The following SYCP1 variants were observed in gnomAD, a reference collection of about 807,000 sequenced individuals.
SYCP1 encodes the protein cancer/testis antigen 8.
SYCP1 carries 64 observed loss-of-function variants against 153.1 expected under a neutral mutation model. That is an observed-to-expected ratio of 0.42 (90% CI 0.34 to 0.51). The LOEUF is 0.51. Among genes scored for constraint, SYCP1 ranks in the 20% least tolerant of loss-of-function variants. The probability of loss-of-function intolerance (pLI) is 0.06; values close to 1 mark genes in which losing one functional copy is unlikely to be tolerated. For synonymous variants in SYCP1, 384 were observed against 341.8 expected (o/e 1.12, Z -1.36); for missense variants, 997 against 1,049.0 (o/e 0.95, Z 0.68).
intron 8 of SYCP1, among the ~76,000 whole-genome samples, chr1:114,873,841 C>T (rs1354286785): frequency 2.0e-5 from 3 of 152,162 alleles, no homozygotes; most frequent in Admixed American, 6.5e-5. Context: ...AAGCGATTCT[C>T]ATGTTTCAGC....
chr1:114,905,081 T>A (rs1667728372), intron 16 of SYCP1, among the ~76,000 whole-genome samples: 1 of 152,210 alleles, frequency 6.6e-6, no homozygotes, highest in Non-Finnish European at 1.5e-5. Context: ...GAATTTTATT[T>A]GTTAATATTT....
chr1:114,873,405 A>G (rs1238493186), intron 8 of SYCP1, among the ~76,000 whole-genome samples: 1 of 152,162 alleles, frequency 6.6e-6, no homozygotes, highest in African/African-American at 2.4e-5. Flanking sequence ...TAGATGGGAC[A>G]AGGTGGTAGA....
chr1:114,882,324 C>T (rs1666009685), intron 12 of SYCP1, among the ~76,000 whole-genome samples: 1 of 152,184 alleles, frequency 6.6e-6, no homozygotes, highest in African/African-American at 2.4e-5. Context: ...CCTTTCTATA[C>T]CTTATCCTAA....
chr1:114,968,206 T>G (rs1335449397), intron 27 of SYCP1, among the ~76,000 whole-genome samples: 2 of 152,236 alleles, frequency 1.3e-5, no homozygotes, highest in African/African-American at 4.8e-5. Context: ...CTGTATTTCC[T>G]GAATTTGAAT....
intron 23 of SYCP1, among the ~76,000 whole-genome samples, chr1:114,932,796 G>T (rs746200933): frequency 1.3e-5 from 2 of 152,202 alleles, no homozygotes; most frequent in Admixed American, 1.3e-4. Context: ...AAGGAGCCTC[G>T]CTCACTGCTA....
At chr1:114,894,175 A>G (rs1473358761) in intron 15 of SYCP1, among the ~76,000 whole-genome samples, 1 of 152,130 alleles carries the variant, frequency 6.6e-6, no homozygotes, top group East Asian at 1.9e-4. Flanking sequence ...TTTACCTGAA[A>G]TAACACTTTC....
chr1:114,974,066 C>T (rs961038783), intron 27 of SYCP1, among the ~76,000 whole-genome samples: 3 of 151,640 alleles, frequency 2.0e-5, no homozygotes, highest in Non-Finnish European at 4.4e-5. Context: ...CCCTCACTTT[C>T]TTCTTGTATT....
chr1:114,901,036 T>C (rs1667409865), intron 16 of SYCP1, among the ~76,000 whole-genome samples: 2 of 152,210 alleles, frequency 1.3e-5, no homozygotes, highest in African/African-American at 4.8e-5. Context: ...CAAGCACTTA[T>C]CTTCCTTTAA....
chr1:114,860,596 A>G (rs1336390097), intron 7 of SYCP1, 140 bp from the exon 8 acceptor site: 4 of 552,546 alleles, frequency 7.2e-6, no homozygotes, highest in Non-Finnish European at 1.3e-5. Flanking sequence ...ATAGTCATTT[A>G]TGAATAATGT....
chr1:114,973,000 G>A (rs1373095208), intron 27 of SYCP1, among the ~76,000 whole-genome samples: 2 of 152,106 alleles, frequency 1.3e-5, no homozygotes, highest in East Asian at 1.9e-4. Context: ...CCAGCTCAGT[G>A]TAGAGCCCTG....
intron 15 of SYCP1, among the ~76,000 whole-genome samples, chr1:114,892,347 C>T (rs1032791835): frequency 7.9e-5 from 12 of 152,036 alleles, no homozygotes; most frequent in Admixed American, 2.0e-4. Context: ...GTGCTGCGGC[C>T]CTGCTGCCAG....
At chr1:114,859,646 A>G (rs200714641) in intron 6 of SYCP1, 97 bp from the exon 7 acceptor site, 11 of 560,468 alleles carry the variant, frequency 2.0e-5, no homozygotes, top group Non-Finnish European at 2.9e-5. Flanking sequence ...CTTTTAGACC[A>G]TTGTGTATTA....
rs1383499317 is a variant in SYCP1 at position 114,881,062 on chromosome 1, C to T, written c.910+2860C>T. On this transcript the variant is annotated intron_variant, in intron 12 of 31. Coordinates refer to ENST00000369522, the MANE Select transcript of SYCP1 (RefSeq NM_003176.4). ...GTATTCCAATTTGTGTATATACACA[C>T]ACACACACACACACACACACACACA... Among the ~76,000 whole-genome samples the T allele has an allele frequency of 6.9e-4, 96 of 138,930 alleles. 1 individual carries two copies. Among genetic ancestry groups the T allele is most frequent in the South Asian group, 4.9e-3 (22 of 4,496 alleles). The allele number at this position is 138,930 out of a possible 152,430, so 91.1% of individuals were successfully genotyped here. A position where few individuals can be genotyped will look rare whatever the true frequency, so the allele number is the denominator to read the frequency against.
At chr1:114,990,366 G>A (rs1172235090) in intron 30 of SYCP1, among the ~76,000 whole-genome samples, 3 of 151,852 alleles carry the variant, frequency 2.0e-5, no homozygotes, top group Non-Finnish European at 4.4e-5. Flanking sequence ...GGAATTTGTA[G>A]TTATAAGTGC....
chr1:114,954,230 C>A (rs1017489504), intron 27 of SYCP1, among the ~76,000 whole-genome samples: 1 of 152,068 alleles, frequency 6.6e-6, no homozygotes, highest in Non-Finnish European at 1.5e-5. Flanking sequence ...CATTAAAAAT[C>A]TTTTAGCAAT....
chr1:114,982,019 A>T (rs1455751589), intron 29 of SYCP1, among the ~76,000 whole-genome samples: 1 of 152,060 alleles, frequency 6.6e-6, no homozygotes, highest in Non-Finnish European at 1.5e-5. Context: ...AAAGTGGCTC[A>T]GTTCTGACTG....
In SYCP1 at chr1:114,974,149, A is replaced by G. The variant is rs570010565; in HGVS notation, c.2323-3408A>G. ...TAATCCAAGAGTCTTTTTTTGACTA[A>G]TAGGCTAGTTTTCCTGATTGTATTT... On this transcript the variant is annotated intron_variant, in intron 27 of 31. Coordinates refer to ENST00000369522, the MANE Select transcript of SYCP1 (RefSeq NM_003176.4). Among the ~76,000 whole-genome samples, 11 of 151,880 alleles carry G rather than the reference A, an allele frequency of 7.2e-5. No homozygotes were observed. The East Asian group carries it at 1.4e-3, about 19-fold the overall frequency.
At chr1:114,916,662 A>G (rs1283258231) in intron 20 of SYCP1, among the ~76,000 whole-genome samples, 2 of 135,248 alleles carry the variant, frequency 1.5e-5, no homozygotes, top group Non-Finnish European at 3.2e-5. Context: ...TTTTTTTTTT[A>G]TTGATTTGCT....
chr1:114,913,159 A>G lies in SYCP1; in HGVS notation c.1647+9A>G. On this transcript the variant is annotated intron_variant, in intron 19 of 31. Coordinates refer to ENST00000369522, the MANE Select transcript of SYCP1 (RefSeq NM_003176.4). ...AGCAAGAAGATATTAATGTGAGTTG[A>G]AAAAGAAAGTGCTGGTGACTTAGTT... 6 of 1,599,088 alleles carry G rather than the reference A, an allele frequency of 3.8e-6. No individual in the cohort carries two copies. Among genetic ancestry groups the G allele is most frequent in the Non-Finnish European group, 5.1e-6 (6 of 1,167,554 alleles).
Sources: allele counts gnomAD v4.1 joint callset (sites outside exome capture counted in the v4.1 genomes callset), GRCh38; gene constraint gnomAD v4.1.1; transcripts MANE v1.5; gene names NCBI Gene and HGNC (gene_info 2026-07-23, HGNC 2026-07-21).